Variants in XDH observed in about 807,000 individuals in gnomAD.
The protein encoded by XDH is xanthine dehydrogenase, also known as xanthine dehydrogenase/oxidase.
Under a neutral mutation model 156.1 loss-of-function variants are expected in XDH, and 138 were observed. The ratio of observed to expected loss-of-function variants is 0.88; its 90% confidence interval spans 0.77 to 1.02. The LOEUF is 1.02. Among genes scored for constraint, XDH ranks in the 50% least tolerant of loss-of-function variants. XDH has a pLI of 0.00. For missense variants in XDH, 1,849 were observed against 1,684.9 expected (o/e 1.10, Z -1.71); for synonymous variants, 669 against 625.7 (o/e 1.07, Z -1.03).
intron 35 of XDH, among the ~76,000 whole-genome samples, chr2:31,336,401 G>A (rs765292322): frequency 2.0e-5 from 3 of 152,174 alleles, no homozygotes; most frequent in East Asian, 3.9e-4. Context: ...GCCACAGAGA[G>A]CTTACGAAAA....
At chr2:31,414,501 G>C in intron 1 of XDH, 124 bp downstream of exon 1, 1 of 1,395,898 alleles carries the variant, frequency 7.2e-7, no homozygotes, top group Non-Finnish European at 1.0e-6. Flanking sequence ...TAAAGCGAGA[G>C]AGAGAAAGAC....
intron 35 of XDH, 30 bp downstream of exon 35, chr2:31,337,611 G>T: frequency 6.2e-7 from 1 of 1,613,276 alleles, no homozygotes; most frequent in South Asian, 1.1e-5. Context: ...GCCTCCCCTG[G>T]ACTGAGTGGA....
Position 31,379,958 on chromosome 2 carries a change from T to A in XDH, c.1151A>T (p.Gln384Leu). The A allele has an allele frequency of 6.2e-7, 1 of 1,614,046 alleles. No individual in the cohort carries two copies. The highest frequency in any genetic ancestry group is 8.5e-7 in the Non-Finnish European group (1 of 1,180,028). The change falls in exon 13 of 36, where the codon CAG becomes CTG. Residue 384 changes from glutamine (Q) to leucine (L), a missense_variant. By Grantham distance (113) the Gln-to-Leu change is moderately radical. Coordinates refer to ENST00000379416, the MANE Select transcript of XDH (RefSeq NM_000379.4). ...GCCAGGGAAGAAGGTGTGGTCCATC[T>A]GGACAGTTCTCCTGGTGCCTGTACA... is the stretch of plus-strand genomic sequence containing the variant. ...LVSRGTRRTVQMDHTFFPGYR... is the reference protein window; with the variant it reads ...LVSRGTRRTVLMDHTFFPGYR...
At chr2:31,395,541 T>G (rs1686879698) in intron 6 of XDH, among the ~76,000 whole-genome samples, 2 of 152,188 alleles carry the variant, frequency 1.3e-5, no homozygotes, top group African/African-American at 4.8e-5. Flanking sequence ...TTCTCCAACA[T>G]TTACTGTGAG....
chr2:31,401,753 G>A lies in XDH; in HGVS notation c.198-425C>T, dbSNP rs141220682. 7.0e-4 allele frequency among the ~76,000 whole-genome samples: 107 copies of A among 152,286 alleles called. 3 individuals are homozygous for A. Among genetic ancestry groups the A allele is most frequent in the Non-Finnish European group, 3.7e-4 (25 of 68,018 alleles). ...TCACTTTGCTTCCCTGCATTTCCTCGCCTCTATTGCTTTCATTTCTCTGTG... is the reference window on the plus strand; with the variant it reads ...TCACTTTGCTTCCCTGCATTTCCTCACCTCTATTGCTTTCATTTCTCTGTG... On this transcript the variant is annotated intron_variant, in intron 3 of 35. Coordinates refer to ENST00000379416, the MANE Select transcript of XDH (RefSeq NM_000379.4).
Position 31,348,998 on chromosome 2 carries a change from T to G in XDH, c.2970-18A>C. 6.2e-7 allele frequency: 1 copy of G among 1,606,662 alleles called. No individual in the cohort carries two copies. Among genetic ancestry groups the G allele is most frequent in the Non-Finnish European group, 8.5e-7 (1 of 1,173,356 alleles). ...AATTCTCCCTAGAGAAAAAGGAATA[T>G]TCTTATAGAACCTTCGCTATCATAT... On this transcript the variant is annotated intron_variant, in intron 26 of 35. Transcript: ENST00000379416.
chr2:31,368,675 A>T lies in XDH; in HGVS notation c.1981-15T>A. The T allele has an allele frequency of 6.2e-7, 1 of 1,614,234 alleles. No individual in the cohort carries two copies. The highest frequency in any genetic ancestry group is 8.5e-7 in the Non-Finnish European group (1 of 1,180,030). ...ACACAAGTAACCTAGTAGCAGAGAC[A>T]GACTGTTAAAGAACGCAACCAGGCT... On this transcript the variant is annotated splice_polypyrimidine_tract_variant and intron_variant, in intron 18 of 35. Coordinates refer to ENST00000379416, the MANE Select transcript of XDH (RefSeq NM_000379.4).
At chr2:31,408,191 T>G (rs1687243685) in intron 1 of XDH, among the ~76,000 whole-genome samples, 1 of 152,226 alleles carries the variant, frequency 6.6e-6, no homozygotes, top group African/African-American at 2.4e-5. Flanking sequence ...CTTAGTGCAC[T>G]AAAAATACAT....
At position 31,354,489 on chromosome 2, in the gene XDH, G is replaced by A. The variant is rs540477861; in HGVS notation, c.2632-4266C>T. On this transcript the variant is annotated intron_variant, in intron 24 of 35. Transcript: ENST00000379416. ...ATTATCTGACTGTAGTTTTAATGCA[G>A]CCATGAAAAAAATGCCTCTGAGATC... Among the ~76,000 whole-genome samples the A allele has an allele frequency of 2.0e-4, 31 of 152,216 alleles. No individual in the cohort carries two copies. In the South Asian group the frequency reaches 5.6e-3, roughly 27 times the overall value.
At chr2:31,336,032 C>T (rs369795108) in intron 35 of XDH, 24 bp from the exon 36 acceptor site, 203 of 1,613,508 alleles carry the variant, frequency 1.3e-4, no homozygotes, top group Non-Finnish European at 1.7e-4. Context: ...ATAGTGTTCT[C>T]ATTGCCAGGG....
In XDH at chr2:31,350,802, C is replaced by T. The variant is rs1215847566; in HGVS notation, c.2632-579G>A. Among the ~76,000 whole-genome samples the T allele has an allele frequency of 2.6e-5, 4 of 152,268 alleles. No homozygotes were observed. In the South Asian group the frequency reaches 8.3e-4, roughly 32 times the overall value. On this transcript the variant is annotated intron_variant, in intron 24 of 35. Coordinates refer to ENST00000379416, the MANE Select transcript of XDH (RefSeq NM_000379.4). ...TGAAAACAGTTAACTTTTAAAAATTCATTGTAAATTAGTTAATGAAAACTA... is the reference window on the plus strand; with the variant it reads ...TGAAAACAGTTAACTTTTAAAAATTTATTGTAAATTAGTTAATGAAAACTA...
intron 31 of XDH, among the ~76,000 whole-genome samples, chr2:31,343,864 T>C (rs972805918): frequency 6.6e-6 from 1 of 151,526 alleles, no homozygotes; most frequent in African/African-American, 2.4e-5. Flanking sequence ...GGAAAATAAA[T>C]GTTTCATACA....
rs763111945 is a variant in XDH, at chr2:31,347,598, G to A, written c.3200C>T (p.Thr1067Ile). The change falls in exon 29 of 36, where the codon ACA (threonine) becomes ATA (isoleucine). Residue 1067 changes from threonine to isoleucine, a missense_variant. Physicochemically the swap from Thr to Ile is moderately conservative, Grantham distance 89. Coordinates refer to ENST00000379416, the MANE Select transcript of XDH (RefSeq NM_000379.4). ...IPTSKIYISE[T>I]STNTVPNTSP... ...GGTGTTGGGCACAGTGTTAGTGCTT[G>A]TCTCGCTGATATAAATCTTAGAGGT... 20 of 1,614,048 alleles carry A rather than the reference G, an allele frequency of 1.2e-5. No homozygotes were observed. The highest frequency in any genetic ancestry group is 1.6e-4 in the Middle Eastern group (1 of 6,082).
intron 30 of XDH, among the ~76,000 whole-genome samples, chr2:31,345,279 T>C (rs1246571131): frequency 1.3e-5 from 2 of 152,190 alleles, no homozygotes; most frequent in Non-Finnish European, 2.9e-5. Context: ...CCCTCCTTGG[T>C]GAACTCTCCC....
At chr2:31,402,744 G>A (rs513311) in intron 3 of XDH, among the ~76,000 whole-genome samples, 9 of 152,110 alleles carry the variant, frequency 5.9e-5, no homozygotes, top group Non-Finnish European at 1.0e-4. Context: ...GGCCTTGCCC[G>A]CTAAGCAAAG....
intron 2 of XDH, among the ~76,000 whole-genome samples, chr2:31,404,708 T>G (rs1687149950): frequency 6.6e-6 from 1 of 152,136 alleles, no homozygotes; most frequent in Non-Finnish European, 1.5e-5. Context: ...TGGAGTTCCA[T>G]GCAATCACCT....
chr2:31,410,311 C>T (rs547422841), intron 1 of XDH, among the ~76,000 whole-genome samples: 1 of 151,820 alleles, frequency 6.6e-6, no homozygotes, highest in Non-Finnish European at 1.5e-5. Flanking sequence ...ATGATGGTTG[C>T]CCAATATTAT....
intron 1 of XDH, among the ~76,000 whole-genome samples, chr2:31,410,297 G>A (rs919351313): frequency 1.3e-5 from 2 of 152,058 alleles, no homozygotes; most frequent in Non-Finnish European, 2.9e-5. Context: ...GGAGGTGGAC[G>A]GTGATGATGG....
intron 24 of XDH, among the ~76,000 whole-genome samples, chr2:31,361,112 G>T (rs1239599131): frequency 6.6e-6 from 1 of 152,212 alleles, no homozygotes; most frequent in Non-Finnish European, 1.5e-5. Flanking sequence ...CACCAGGCTT[G>T]CCTTGATGAA....
Sources: allele counts gnomAD v4.1 joint callset (sites outside exome capture counted in the v4.1 genomes callset), GRCh38; gene constraint gnomAD v4.1.1; transcripts MANE v1.5; gene names NCBI Gene and HGNC (gene_info 2026-07-23, HGNC 2026-07-21).